Variants in RAP1A observed in about 807,000 individuals in gnomAD.
The protein encoded by RAP1A is ras-related protein Rap-1A.
RAP1A carries 6 observed loss-of-function variants against 26.4 expected under a neutral mutation model. That is an observed-to-expected ratio of 0.23 (90% CI 0.12 to 0.45). The LOEUF (loss-of-function observed/expected upper bound fraction) is 0.45, where lower values mean the gene tolerates loss of function less well. RAP1A is among the 20% of genes least tolerant of loss of function. RAP1A has a pLI of 0.99. For synonymous variants in RAP1A, 73 were observed against 79.4 expected (o/e 0.92, Z 0.43); for missense variants, 121 against 217.2 (o/e 0.56, Z 2.78).
chr1:111,591,906 A>T (rs966969643), intron 1 of RAP1A, among the ~76,000 whole-genome samples: 3 of 152,260 alleles, frequency 2.0e-5, no homozygotes, highest in African/African-American at 7.2e-5. Flanking sequence ...ATCATGAATC[A>T]GTCTCATCAG....
intron 1 of RAP1A, among the ~76,000 whole-genome samples, chr1:111,547,792 A>C (rs866803248): frequency 1.7e-4 from 26 of 152,294 alleles, no homozygotes; most frequent in Non-Finnish European, 2.5e-4. Flanking sequence ...AAGCAGGAGC[A>C]TTGTCATGGT....
At chr1:111,562,596 A>T (rs1446432766) in intron 1 of RAP1A, among the ~76,000 whole-genome samples, 1 of 152,234 alleles carries the variant, frequency 6.6e-6, no homozygotes, top group African/African-American at 2.4e-5. Flanking sequence ...TGTCCCATAA[A>T]CATCCCACCA....
At chr1:111,643,631 G>A (rs1659962075) in intron 1 of RAP1A, among the ~76,000 whole-genome samples, 2 of 152,104 alleles carry the variant, frequency 1.3e-5, no homozygotes, top group South Asian at 4.1e-4. Context: ...TTATTCTTTG[G>A]TACAGAATTT....
intron 1 of RAP1A, among the ~76,000 whole-genome samples, chr1:111,588,295 T>G (rs547136157): frequency 6.6e-6 from 1 of 152,216 alleles, no homozygotes; most frequent in Non-Finnish European, 1.5e-5. Flanking sequence ...CCTTTGCCAT[T>G]TGTCATGTGG....
chr1:111,647,547 C>T lies in RAP1A; in HGVS notation c.-28+27613C>T, dbSNP rs536305360. Among the ~76,000 whole-genome samples the T allele has an allele frequency of 1.8e-3, 279 of 152,222 alleles. 3 individuals carry two copies. The highest frequency in any genetic ancestry group is 5.8e-3 in the African/African-American group (239 of 41,524). On this transcript the variant is annotated intron_variant, in intron 1 of 7. Coordinates refer to ENST00000369709, the MANE Select transcript of RAP1A (RefSeq NM_002884.4). ...CGCTGCCTTAAATTATGTAGATAAA[C>T]GTAACAGATATTTGTGGTTATATCA... is the stretch of plus-strand genomic sequence containing the variant.
intron 1 of RAP1A, chr1:111,649,029 C>A: frequency 1.6e-6 from 1 of 619,602 alleles, no homozygotes; most frequent in South Asian, 1.4e-5. Context: ...CTTGTGGAGT[C>A]CGTGGATGTC....
intron 1 of RAP1A, among the ~76,000 whole-genome samples, chr1:111,681,847 A>G (rs1204247475): frequency 6.6e-6 from 1 of 152,230 alleles, no homozygotes; most frequent in African/African-American, 2.4e-5. Context: ...TACAGAGAAC[A>G]TCACTAAGAT....
At chr1:111,697,599 T>A in intron 4 of RAP1A, 102 bp downstream of exon 4, 2 of 1,545,418 alleles carry the variant, frequency 1.3e-6, no homozygotes, top group South Asian at 2.4e-5. Context: ...AAAGTAATCA[T>A]TCTGATTAAG....
intron 1 of RAP1A, among the ~76,000 whole-genome samples, chr1:111,586,292 C>A (rs1658363917): frequency 6.6e-6 from 1 of 152,188 alleles, no homozygotes; most frequent in Non-Finnish European, 1.5e-5. Context: ...ACAGCTATGA[C>A]TAATTTTGAA....
At chr1:111,593,945 G>T (rs950283825) in intron 1 of RAP1A, among the ~76,000 whole-genome samples, 1 of 152,120 alleles carries the variant, frequency 6.6e-6, no homozygotes, top group African/African-American at 2.4e-5. Context: ...AAGGATAACA[G>T]GATTTGATCA....
intron 1 of RAP1A, chr1:111,608,243 C>T (rs1381521280): frequency 4.3e-4 from 65 of 152,690 alleles, no homozygotes; most frequent in African/African-American, 1.6e-3. Context: ...CGGGTAGAGG[C>T]GCTCCTCACA....
chr1:111,642,894 C>A (rs545417286), intron 1 of RAP1A, among the ~76,000 whole-genome samples: 1 of 149,406 alleles, frequency 6.7e-6, no homozygotes, highest in South Asian at 2.1e-4. Context: ...CTCAGCCTCC[C>A]GGGTAGCTGG....
chr1:111,574,965 A>T (rs917678631), intron 1 of RAP1A, among the ~76,000 whole-genome samples: 2 of 152,268 alleles, frequency 1.3e-5, no homozygotes, highest in African/African-American at 4.8e-5. Context: ...ATCCACAAAC[A>T]TATATGTTTT....
At chr1:111,624,072 T>C (rs1659313670) in intron 1 of RAP1A, among the ~76,000 whole-genome samples, 1 of 152,244 alleles carries the variant, frequency 6.6e-6, no homozygotes, top group South Asian at 2.1e-4. Flanking sequence ...AAATTGTGAA[T>C]GTAAGTTTAC....
intron 6 of RAP1A, among the ~76,000 whole-genome samples, chr1:111,705,017 C>T (rs1360536094): frequency 3.3e-5 from 5 of 151,688 alleles, no homozygotes; most frequent in East Asian, 1.9e-4. Context: ...TTGTGTGGGG[C>T]ATGGGGGTGG....
At chr1:111,603,003 C>T (rs981729202) in intron 1 of RAP1A, among the ~76,000 whole-genome samples, 1 of 152,118 alleles carries the variant, frequency 6.6e-6, no homozygotes, top group Non-Finnish European at 1.5e-5. Context: ...ATCACAGAGC[C>T]CTTCTTCCCC....
intron 1 of RAP1A, among the ~76,000 whole-genome samples, chr1:111,591,005 C>T (rs1658462405): frequency 1.3e-5 from 2 of 152,138 alleles, no homozygotes; most frequent in East Asian, 3.8e-4. Context: ...TTATAAATCC[C>T]TTTAGCCCTG....
At chr1:111,593,179 C>T (rs1170914586) in intron 1 of RAP1A, among the ~76,000 whole-genome samples, 4 of 152,092 alleles carry the variant, frequency 2.6e-5, no homozygotes, top group East Asian at 1.9e-4. Flanking sequence ...CCAGGCCCCT[C>T]GGGAACTGTT....
chr1:111,682,834 T>A (rs940063953), intron 1 of RAP1A, among the ~76,000 whole-genome samples: 1 of 152,172 alleles, frequency 6.6e-6, no homozygotes, highest in South Asian at 2.1e-4. Context: ...CTAATAGACA[T>A]CTACAGAACC....
Sources: gnomAD v4.1 joint callset for allele counts (sites outside exome capture counted in the v4.1 genomes callset) on GRCh38, gnomAD v4.1.1 for gene constraint, MANE v1.5 for transcripts, NCBI Gene and HGNC (gene_info 2026-07-23, HGNC 2026-07-21) for gene names.